The following NSUN2 variants were observed in gnomAD, a reference collection of about 807,000 sequenced individuals.
NSUN2 encodes the protein RNA cytosine C(5)-methyltransferase NSUN2.
Under a neutral mutation model 92.7 loss-of-function variants are expected in NSUN2, and 63 were observed. That is an observed-to-expected ratio of 0.68 (90% confidence interval 0.56 to 0.84). The LOEUF (loss-of-function observed/expected upper bound fraction) is 0.84, where lower values mean the gene tolerates loss of function less well. Among genes scored for constraint, NSUN2 ranks in the 40% least tolerant of loss-of-function variants. NSUN2 has a pLI of 0.00. For synonymous variants in NSUN2, 356 were observed against 348.3 expected (o/e 1.02, Z -0.25); for missense variants, 989 against 964.9 (o/e 1.02, Z -0.33).
intron 5 of NSUN2, 38 bp from the exon 6 acceptor site, chr5:6,622,138 A>G: frequency 6.7e-7 from 1 of 1,492,290 alleles, no homozygotes; most frequent in Non-Finnish European, 9.3e-7. Context: ...TGTTTTTAAA[A>G]AACCAAATAT....
In NSUN2 at chr5:6,600,039, C is replaced by T. The variant is rs1736482763; in HGVS notation, c.2191G>A (p.Asp731Asn). ...SAASTGQPDN[D>N]VTEGQRAGEP... ...CCTGCTCTCTGTCCCTCAGTCACGT[C>T]ATTGTCTGGCTGTCCGGTGCTGGCT... The change falls in exon 19 of 19, where the codon GAC becomes AAC. Residue 731 changes from aspartate (D) to asparagine (N), a missense_variant. Coordinates refer to ENST00000264670, the MANE Select transcript of NSUN2 (RefSeq NM_017755.6). 2 of 1,614,138 alleles carry T rather than the reference C, an allele frequency of 1.2e-6. No homozygotes were observed. The highest frequency in any genetic ancestry group is 2.7e-5 in the African/African-American group (2 of 74,944).
intron 4 of NSUN2, among the ~76,000 whole-genome samples, chr5:6,624,072 T>A (rs1579376728): frequency 6.6e-6 from 1 of 152,230 alleles, no homozygotes. Flanking sequence ...AACTCAGGCA[T>A]GTGACTGTCA....
rs755986281 is a variant in NSUN2 at position 6,617,945 on chromosome 5, C to T, written c.890+5G>A. The T allele has an allele frequency of 2.5e-6, 4 of 1,610,400 alleles. No homozygotes were observed. The Admixed American group carries it at 5.0e-5, about 20-fold the overall frequency. On this transcript the variant is annotated splice_donor_5th_base_variant and intron_variant, in intron 8 of 18. Coordinates refer to ENST00000264670, the MANE Select transcript of NSUN2 (RefSeq NM_017755.6). ...CAGTGTTAGCAGTGATGAAGTTTTA[C>T]TTACCCATGTAGCTGCAAGCTATTT...
chr5:6,619,715 G>A (rs1330725158), intron 7 of NSUN2, among the ~76,000 whole-genome samples: 1 of 152,158 alleles, frequency 6.6e-6, no homozygotes, highest in East Asian at 1.9e-4. Context: ...TTATGACAAA[G>A]TTTTTTATAT....
chr5:6,617,552 C>G (rs1209414998), intron 8 of NSUN2, among the ~76,000 whole-genome samples: 1 of 152,124 alleles, frequency 6.6e-6, no homozygotes, highest in Admixed American at 6.6e-5. Context: ...ATGAATAGTT[C>G]CCCATCATAA....
intron 4 of NSUN2, 114 bp downstream of exon 4, chr5:6,625,450 T>C (rs1481497650): frequency 1.4e-6 from 1 of 701,864 alleles, no homozygotes; most frequent in Non-Finnish European, 2.5e-6. Flanking sequence ...TTGTCTTTAC[T>C]GTGTGTGATG....
At chr5:6,609,528 G>A (rs1736905100) in intron 12 of NSUN2, among the ~76,000 whole-genome samples, 1 of 152,170 alleles carries the variant, frequency 6.6e-6, no homozygotes, top group South Asian at 2.1e-4. Context: ...TTCCAATTGA[G>A]AGCCACAGAG....
chr5:6,629,690 C>T (rs2126509867), intron 3 of NSUN2, among the ~76,000 whole-genome samples: 1 of 152,292 alleles, frequency 6.6e-6, no homozygotes, highest in East Asian at 1.9e-4. Context: ...GTTCCCACCC[C>T]AATTTCACCT....
Position 6,616,765 on chromosome 5 carries a change from T to C in NSUN2, c.983A>G (p.Asp328Gly), listed in dbSNP as rs1431398794. Reference protein sequence around the residue: ...YSTCSLNPIEDEAVIASLLEK... With the variant: ...YSTCSLNPIEGEAVIASLLEK... ...CAGTAAAGATGCTATGACTGCTTCATCCTCAATAGGGTTTAGTGAACACGT... is the reference window on the plus strand; with the variant it reads ...CAGTAAAGATGCTATGACTGCTTCACCCTCAATAGGGTTTAGTGAACACGT... The change falls in exon 9 of 19, where the codon GAT (aspartate) becomes GGT (glycine). Residue 328 changes from aspartate to glycine, a missense_variant. Physicochemically the swap from Asp to Gly is moderately conservative, Grantham distance 94. This residue lies in a region of NSUN2 where 626 missense variants were observed against 602.3 expected (regional missense o/e 1.04). Transcript: ENST00000264670. 10 of 1,529,968 alleles carry C rather than the reference T, an allele frequency of 6.5e-6. No homozygotes were observed. Among genetic ancestry groups the C allele is most frequent in the Non-Finnish European group, 7.0e-6 (8 of 1,140,484 alleles). 94.8% of individuals were successfully genotyped at this position (1,529,968 alleles called of 1,614,324 possible). A position where few individuals can be genotyped will look rare whatever the true frequency, so the allele number is the denominator to read the frequency against.
At chr5:6,628,871 C>T (rs1042714861) in intron 3 of NSUN2, among the ~76,000 whole-genome samples, 1 of 152,078 alleles carries the variant, frequency 6.6e-6, no homozygotes, top group African/African-American at 2.4e-5. Flanking sequence ...GGTGAAACTC[C>T]ATCTCTACAA....
At chr5:6,601,608 T>C (rs1261927655) in intron 18 of NSUN2, among the ~76,000 whole-genome samples, 1 of 138,828 alleles carries the variant, frequency 7.2e-6, no homozygotes, top group Non-Finnish European at 1.6e-5. Flanking sequence ...CTATCCCTCC[T>C]CCTTCCCTAC....
At chr5:6,614,122 A>ACCCT (rs1175425697) in intron 9 of NSUN2, among the ~76,000 whole-genome samples, 1 of 62,532 alleles carries the variant, frequency 1.6e-5, no homozygotes, top group Non-Finnish European at 3.4e-5. Context: ...AAAAAAAAAA[A>ACCCT]CCCACAACAC....
chr5:6,624,885 G>A (rs115203674), intron 4 of NSUN2, among the ~76,000 whole-genome samples: 180 of 152,218 alleles, frequency 1.2e-3, no homozygotes, highest in African/African-American at 4.1e-3. Context: ...AAACTTTATG[G>A]GCATTCATTG....
At position 6,607,315 on chromosome 5, in the gene NSUN2, G is replaced by T. The variant is rs771562264; in HGVS notation, c.1393C>A (p.Pro465Thr). The T allele has an allele frequency of 6.2e-7, 1 of 1,614,122 alleles. No individual in the cohort carries two copies. Among genetic ancestry groups the T allele is most frequent in the Admixed American group, 1.7e-5 (1 of 60,016 alleles). The change falls in exon 13 of 19, where the codon CCC becomes ACC. Residue 465 changes from proline (P) to threonine (T), a missense_variant. Pro to Thr is a conservative substitution (Grantham distance 38, BLOSUM62 -1). Transcript: ENST00000264670. The stretch of plus-strand genomic sequence containing the variant: ...CTTTCCAGCTTAGAGGGATCTGTGG[G>T]TTTCCCTTCTGTGAGATCTGCAGGG... ...LSPADLTEGK[P>T]TDPSKLESPS...
At chr5:6,621,392 G>A (rs1347148038) in intron 6 of NSUN2, 1 of 152,006 alleles carries the variant, frequency 6.6e-6, no homozygotes, top group African/African-American at 2.4e-5. Flanking sequence ...TGGGGGAAAG[G>A]GGAAATTGTT....
Position 6,607,241 on chromosome 5 carries a change from C to G in NSUN2, c.1467G>C (p.Glu489Asp). 6.2e-7 allele frequency: 1 copy of G among 1,614,224 alleles called. No individual in the cohort carries two copies. The highest frequency in any genetic ancestry group is 8.5e-7 in the Non-Finnish European group (1 of 1,180,044). Reference sequence around the variant, plus strand: ...TCTTACTGCCATTATTCTCTAAATCCTCAGTTGCATGAGCTATTTCTGTGT... The same window carrying G: ...TCTTACTGCCATTATTCTCTAAATCGTCAGTTGCATGAGCTATTTCTGTGT... Reference protein sequence around the residue: ...TGDTEIAHATEDLENNGSKKD... With the variant: ...TGDTEIAHATDDLENNGSKKD... Residue 489 changes from glutamate (E) to aspartate (D), a missense_variant, in exon 13 of 19, where the codon GAG becomes GAC. By Grantham distance (45) the Glu-to-Asp change is conservative (BLOSUM62 2). This residue lies in a region of NSUN2 where 626 missense variants were observed against 602.3 expected (regional missense o/e 1.04). Coordinates refer to ENST00000264670, the MANE Select transcript of NSUN2 (RefSeq NM_017755.6).
chr5:6,628,922 G>T (rs537984631), intron 3 of NSUN2, among the ~76,000 whole-genome samples: 4 of 152,318 alleles, frequency 2.6e-5, no homozygotes, highest in African/African-American at 9.6e-5. Flanking sequence ...GCATGCACCT[G>T]TAGTCCGAGC....
Position 6,620,101 on chromosome 5 carries a change from A to C in NSUN2, c.815+5T>G. 6.4e-7 allele frequency: 1 copy of C among 1,554,888 alleles called. No homozygotes were observed. The highest frequency in any genetic ancestry group is 8.7e-7 in the Non-Finnish European group (1 of 1,152,036). On this transcript the variant is annotated splice_donor_5th_base_variant and intron_variant, in intron 7 of 18. Transcript: ENST00000264670. The stretch of plus-strand genomic sequence containing the variant: ...TTTGGGCTTTTTGGCCAATAAGATA[A>C]ATACCTGCAAGGGACATCACATAAA...
rs576367042 is a variant in NSUN2, at chr5:6,601,699, T to C, written c.1997+762A>G. 5.3e-5 allele frequency among the ~76,000 whole-genome samples: 8 copies of C among 152,198 alleles called. No individual in the cohort carries two copies. The East Asian group carries it at 1.4e-3, about 26-fold the overall frequency. On this transcript the variant is annotated intron_variant, in intron 18 of 18. Coordinates refer to ENST00000264670, the MANE Select transcript of NSUN2 (RefSeq NM_017755.6). ...GTGGTTCCTTCAAGTTAGCACTGGA[T>C]CCCTGGTCCAACACTAACTTCCCAA...
Sources: allele counts gnomAD v4.1 joint callset (sites outside exome capture counted in the v4.1 genomes callset), GRCh38; gene constraint gnomAD v4.1.1; regional missense constraint gnomAD v4.1.1; transcripts MANE v1.5; gene names NCBI Gene and HGNC (gene_info 2026-07-23, HGNC 2026-07-21).